DDX11: variants seen among roughly 807,000 people sequenced by gnomAD.
The protein encoded by DDX11 is DEAD/H-box helicase 11.
In DDX11, 72 loss-of-function variants were observed where a neutral mutation model predicts 125.2. The observed-to-expected ratio is 0.58, with a 90% confidence interval of 0.48 to 0.70. DDX11 has a LOEUF of 0.70. Among genes scored for constraint, DDX11 ranks in the 30% least tolerant of loss-of-function variants. The probability of loss-of-function intolerance (pLI) is 0.00; values close to 1 mark genes in which losing one functional copy is unlikely to be tolerated. For synonymous variants in DDX11, 347 were observed against 452.6 expected, an observed-to-expected ratio of 0.77 and a Z score of 2.96; for missense variants, 883 against 1,165.0, an observed-to-expected ratio of 0.76 and a Z score of 3.52.
chr12:31,089,821 C>G, intron 8 of DDX11, 65 bp from the exon 9 acceptor site: 1 of 1,565,402 alleles, frequency 6.4e-7, no homozygotes, highest in South Asian at 1.2e-5. Context: ...ACACAACCCC[C>G]TCTTGGGCCC....
chr12:31,099,084 CTTTTTTTTT>C (rs763612105), intron 18 of DDX11, among the ~76,000 whole-genome samples: 2 of 63,718 alleles, frequency 3.1e-5, no homozygotes, highest in East Asian at 1.3e-3. Flanking sequence ...TTCTTTCTTT[CTTTTTTTTT>C]TTTTTTTTTT....
chr12:31,093,505 A>T, intron 12 of DDX11, 181 bp downstream of exon 12: 1 of 759,302 alleles, frequency 1.3e-6, no homozygotes, highest in South Asian at 1.5e-5. Flanking sequence ...ACCTGAGGTT[A>T]GGAGTTTTGA....
intron 18 of DDX11, among the ~76,000 whole-genome samples, chr12:31,099,801 T>A (rs1205471490): frequency 6.6e-6 from 1 of 151,994 alleles, no homozygotes; most frequent in Non-Finnish European, 1.5e-5. Flanking sequence ...TATAAAAAGA[T>A]CTATTCAGGA....
rs548953511 is a variant in DDX11 at position 31,089,431 on chromosome 12, G to A, written c.821G>A (p.Ser274Asn). The A allele has an allele frequency of 1.3e-5, 21 of 1,613,992 alleles. No homozygotes were observed. In the East Asian group the frequency reaches 4.5e-4, roughly 34 times the overall value. ...QNLCVNEDVK[S>N]LGSVQLINDR... ...CTTTGTGTAAATGAAGACGTGAAAA[G>A]CCTAGGTTCTGTGCAGCTTATCAAC... The change falls in exon 8 of 27, where the codon AGC becomes AAC. Residue 274 changes from serine to asparagine, a missense_variant. By Grantham distance (46) the Ser-to-Asn change is conservative (BLOSUM62 1). This residue lies in a region of DDX11 where 283 missense variants were observed against 359.6 expected (regional missense o/e 0.79). Transcript: ENST00000542838.
chr12:31,091,945 TGGG>T (rs1944319009), intron 10 of DDX11, 74 bp downstream of exon 10: 17 of 1,602,166 alleles, frequency 1.1e-5, no homozygotes, highest in Non-Finnish European at 1.3e-5. Flanking sequence ...TCCAGACACC[TGGG>T]CCAAGAGTTC....
chr12:31,101,816 C>T lies in DDX11; in HGVS notation c.2053-17C>T. The T allele has an allele frequency of 6.2e-7, 1 of 1,613,744 alleles. No individual in the cohort carries two copies. On this transcript the variant is annotated splice_polypyrimidine_tract_variant and intron_variant, in intron 20 of 26. Transcript: ENST00000542838. ...TGCTCCATGGGGGCTCCCTCCCTCCCTCCTTTCCTTCCTTAGATGGACGAG... is the reference window on the plus strand; with the variant it reads ...TGCTCCATGGGGGCTCCCTCCCTCCTTCCTTTCCTTCCTTAGATGGACGAG...
chr12:31,095,800 G>T (rs1014128163), intron 14 of DDX11, among the ~76,000 whole-genome samples: 8 of 152,048 alleles, frequency 5.3e-5, no homozygotes, highest in African/African-American at 1.9e-4. Flanking sequence ...CTTCCCATGG[G>T]TCTCGGGTCT....
intron 2 of DDX11, among the ~76,000 whole-genome samples, chr12:31,081,000 C>T (rs1055967728): frequency 6.6e-6 from 1 of 152,172 alleles, no homozygotes; most frequent in Non-Finnish European, 1.5e-5. Flanking sequence ...CCTCCTTGGC[C>T]TCCCATAGTG....
intron 2 of DDX11, among the ~76,000 whole-genome samples, chr12:31,080,323 G>A (rs532349850): frequency 8.6e-4 from 131 of 152,158 alleles, no homozygotes; most frequent in African/African-American, 3.0e-3. Flanking sequence ...CCCCCTCAGT[G>A]CCTGCTTTCA....
At chr12:31,086,073 C>A (rs1943083994) in intron 5 of DDX11, 1 of 454,362 alleles carries the variant, frequency 2.2e-6, no homozygotes, top group African/African-American at 2.0e-5. Flanking sequence ...ACGCCAGCTT[C>A]CCCGCTGCCC....
intron 18 of DDX11, among the ~76,000 whole-genome samples, chr12:31,099,084 C>T (rs77901987): frequency 0.31 from 19,864 of 63,614 alleles, 4,649 homozygotes; most frequent in African/African-American, 0.48. Context: ...TTCTTTCTTT[C>T]TTTTTTTTTT....
intron 8 of DDX11, 153 bp from the exon 9 acceptor site, chr12:31,089,733 G>A (rs1943852413): frequency 7.1e-7 from 1 of 1,412,894 alleles, no homozygotes; most frequent in Non-Finnish European, 9.8e-7. Flanking sequence ...AAACCTTACA[G>A]TGTTCCGATG....
intron 4 of DDX11, 119 bp from the exon 5 acceptor site, chr12:31,084,850 A>G: frequency 3.0e-6 from 4 of 1,331,694 alleles, no homozygotes; most frequent in Non-Finnish European, 4.2e-6. Context: ...ACCTCTCTCC[A>G]GCCAGGCAGC....
At chr12:31,078,143 G>GT in intron 1 of DDX11, 6 of 1,342,540 alleles carry the variant, frequency 4.5e-6, no homozygotes, top group Non-Finnish European at 6.1e-6. Context: ...GGGAGATTGG[G>GT]TTTAGGGGCT....
At chr12:31,088,034 G>C in intron 6 of DDX11, 51 bp downstream of exon 6, 1 of 1,604,140 alleles carries the variant, frequency 6.2e-7, no homozygotes. Context: ...AGGCTGGGCT[G>C]TGCACCCCTG....
rs1179356648 is a variant in DDX11, at chr12:31,078,452, A to G, written c.59A>G (p.Tyr20Cys). Residue 20 changes from tyrosine (Y) to cysteine (C), a missense_variant, in exon 2 of 27, where the codon TAT (tyrosine) becomes TGT (cysteine). This residue lies in a region of DDX11 where 283 missense variants were observed against 359.6 expected (regional missense o/e 0.79). Transcript: ENST00000542838. ...AIHFPFPFTP[Y>C]SIQEDFMAEL... is the part of the protein sequence containing the mutation. ...CATTTTCCTTTTCCCTTCACACCCT[A>G]TTCCATCCAGGAAGACTTCATGGCA... is the stretch of plus-strand genomic sequence containing the variant. 6.2e-6 allele frequency: 10 copies of G among 1,611,012 alleles called. No homozygotes were observed. The Admixed American group carries it at 8.3e-5, about 13-fold the overall frequency.
chr12:31,078,299 T>C, intron 1 of DDX11, 91 bp from the exon 2 acceptor site: 1 of 1,610,836 alleles, frequency 6.2e-7, no homozygotes, highest in Non-Finnish European at 8.5e-7. Flanking sequence ...GTAATAAGTG[T>C]GGAGACTGCT....
chr12:31,092,743 G>A (rs1415609403), intron 10 of DDX11, 103 bp from the exon 11 acceptor site: 43 of 1,252,140 alleles, frequency 3.4e-5, no homozygotes, highest in Non-Finnish European at 4.3e-5. Context: ...CCCTTTGGTG[G>A]CTTCCTGTGT....
intron 18 of DDX11, among the ~76,000 whole-genome samples, chr12:31,099,839 C>T (rs1946062801): frequency 6.6e-6 from 1 of 151,918 alleles, no homozygotes; most frequent in Non-Finnish European, 1.5e-5. Flanking sequence ...CTTTCCAGCC[C>T]ATTCCCCACC....
Sources: allele counts gnomAD v4.1 joint callset (sites outside exome capture counted in the v4.1 genomes callset), GRCh38; gene constraint gnomAD v4.1.1; regional missense constraint gnomAD v4.1.1; transcripts MANE v1.5; gene names NCBI Gene and HGNC (gene_info 2026-07-23, HGNC 2026-07-21).